The following MCMBP variants were observed in gnomAD, a reference collection of about 807,000 sequenced individuals.
MCMBP encodes the protein mini-chromosome maintenance complex-binding protein.
Under a neutral mutation model 81.3 loss-of-function variants are expected in MCMBP, and 31 were observed. That is an observed-to-expected ratio of 0.38 (90% CI 0.29 to 0.51). The LOEUF is 0.51. MCMBP is among the 20% of genes least tolerant of loss of function. The pLI, the probability that MCMBP is intolerant of heterozygous loss-of-function variation, is 0.87. For synonymous variants in MCMBP, 267 were observed against 275.9 expected (o/e 0.97, Z 0.32); for missense variants, 645 against 772.1 (o/e 0.84, Z 1.95).
intron 7 of MCMBP, 33 bp from the exon 8 acceptor site, chr10:119,847,746 G>T (rs1852667503): frequency 1.6e-6 from 2 of 1,289,280 alleles, no homozygotes; most frequent in African/African-American, 2.9e-5. Context: ...CACACTGTTA[G>T]AACAGACACA....
chr10:119,831,556 C>T lies in MCMBP; in HGVS notation c.1841G>A (p.Arg614Gln). 7 of 1,614,008 alleles carry T rather than the reference C, an allele frequency of 4.3e-6. No homozygotes were observed. The highest frequency in any genetic ancestry group is 3.3e-5 in the South Asian group (3 of 91,078). ...SAGQTTLSRE[R>Q]WLRAKQLESL... ...CTCTAGCTGCTTTGCTCTCAGCCAT[C>T]GTTCTCTTGACAGCGTTGTCTGACC... is the stretch of plus-strand genomic sequence containing the variant. Residue 614 changes from arginine (R) to glutamine (Q), a missense_variant, in exon 16 of 16, where the codon CGA (arginine) becomes CAA (glutamine). Transcript: ENST00000369077.
At chr10:119,867,803 G>A (rs957137600) in intron 1 of MCMBP, among the ~76,000 whole-genome samples, 4 of 152,098 alleles carry the variant, frequency 2.6e-5, no homozygotes, top group African/African-American at 9.7e-5. Flanking sequence ...CTGTTCTTGG[G>A]TTTTATAGCC....
At chr10:119,848,592 AAG>A (rs1362264458) in intron 7 of MCMBP, among the ~76,000 whole-genome samples, 1 of 152,150 alleles carries the variant, frequency 6.6e-6, no homozygotes. Flanking sequence ...CAGCCTGGAC[AAG>A]AGAGTGAGAC....
At chr10:119,847,785 A>AAT in intron 7 of MCMBP, 72 bp from the exon 8 acceptor site, 1 of 771,092 alleles carries the variant, frequency 1.3e-6, no homozygotes, top group Non-Finnish European at 2.1e-6. Flanking sequence ...TTGAAGTACC[A>AAT]ATATCTTGGA....
chr10:119,839,985 C>A (rs1454775684), intron 11 of MCMBP, among the ~76,000 whole-genome samples: 2 of 152,190 alleles, frequency 1.3e-5, no homozygotes, highest in Admixed American at 1.3e-4. Flanking sequence ...AAGAGATTTG[C>A]AAGAATGTAA....
intron 1 of MCMBP, among the ~76,000 whole-genome samples, chr10:119,869,204 G>C (rs1479393337): frequency 6.6e-6 from 1 of 152,252 alleles, no homozygotes; most frequent in African/African-American, 2.4e-5. Flanking sequence ...CCAGCACTTT[G>C]AGAGGCCGAG....
rs1156803987 is a variant in MCMBP, at chr10:119,829,576, C to T, written c.*1898G>A. The stretch of plus-strand genomic sequence containing the variant: ...CGTTAGAGCAACAAACTTGACTGTC[C>T]GTGTATATATAGGTGAGGGACAAAG... On this transcript the variant is annotated 3_prime_UTR_variant, in exon 16 of 16. Coordinates refer to ENST00000369077, the MANE Select transcript of MCMBP (RefSeq NM_001256378.2). 2 of 152,046 alleles carry T rather than the reference C, an allele frequency of 1.3e-5. No homozygotes were observed. The highest frequency in any genetic ancestry group is 2.1e-4 in the South Asian group (1 of 4,832). The allele number at this position is 152,046 out of a possible 1,614,324, so 9.4% of individuals were successfully genotyped here.
chr10:119,868,151 G>T (rs550168270), intron 1 of MCMBP, among the ~76,000 whole-genome samples: 4 of 152,166 alleles, frequency 2.6e-5, no homozygotes, highest in Non-Finnish European at 5.9e-5. Flanking sequence ...GAGGCTGGGC[G>T]CAGCAGCTCA....
chr10:119,855,150 G>A (rs533289241), intron 5 of MCMBP, among the ~76,000 whole-genome samples: 4 of 152,070 alleles, frequency 2.6e-5, no homozygotes, highest in South Asian at 2.1e-4. Flanking sequence ...AAAATAGCAC[G>A]AAGAATGAGA....
At chr10:119,851,007 G>A (rs948782204) in intron 6 of MCMBP, among the ~76,000 whole-genome samples, 1 of 151,300 alleles carries the variant, frequency 6.6e-6, no homozygotes, top group Non-Finnish European at 1.5e-5. Context: ...CAAGTAGCTG[G>A]GATTACAGGC....
chr10:119,834,258 T>C (rs1280843173), intron 14 of MCMBP, among the ~76,000 whole-genome samples: 3 of 151,710 alleles, frequency 2.0e-5, no homozygotes, highest in African/African-American at 7.3e-5. Flanking sequence ...AAACTCCATG[T>C]AGGATAAACT....
At chr10:119,870,811 A>G (rs557582266) in intron 1 of MCMBP, among the ~76,000 whole-genome samples, 46 of 152,238 alleles carry the variant, frequency 3.0e-4, no homozygotes, top group Non-Finnish European at 5.9e-4. Flanking sequence ...TGACTTTTCT[A>G]TAAGACACAA....
intron 13 of MCMBP, among the ~76,000 whole-genome samples, 179 bp downstream of exon 13, chr10:119,836,716 CA>C (rs1852255100): frequency 7.0e-6 from 1 of 143,876 alleles, no homozygotes; most frequent in Non-Finnish European, 1.5e-5. Context: ...TCATCCATGG[CA>C]GTGCAAAATA....
At chr10:119,873,287 C>T (rs1271403536), upstream of MCMBP, 7 of 152,220 alleles carry the variant, frequency 4.6e-5, no homozygotes, top group Non-Finnish European at 1.0e-4. Flanking sequence ...GGGTCCCCGG[C>T]CCGAAACCCT....
At chr10:119,833,699 AAAG>A (rs1852134957) in intron 14 of MCMBP, among the ~76,000 whole-genome samples, 2 of 152,088 alleles carry the variant, frequency 1.3e-5, no homozygotes, top group Admixed American at 1.3e-4. Context: ...TTTCAACAAA[AAAG>A]TACAAAGAAA....
In MCMBP at chr10:119,872,781, C is replaced by G. The variant is rs1327448156; in HGVS notation, c.-197G>C. The G allele has an allele frequency of 2.6e-4, 46 of 175,348 alleles. 1 individual carries two copies. In the South Asian group the frequency reaches 8.7e-3, roughly 33 times the overall value. The allele number at this position is 175,348 out of a possible 1,614,324, so 10.9% of individuals were successfully genotyped here. ...GGAGCGGCGGCTGCGGTGGGGCCGCCGAGGAGCTGCTGGCGACAGTCAGGC... is the reference window on the plus strand; with the variant it reads ...GGAGCGGCGGCTGCGGTGGGGCCGCGGAGGAGCTGCTGGCGACAGTCAGGC... On this transcript the variant is annotated 5_prime_UTR_variant, in exon 1 of 16. Transcript: ENST00000369077.
At chr10:119,865,171 CTGGTTTT>C (rs1853409345) in intron 1 of MCMBP, among the ~76,000 whole-genome samples, 1 of 150,168 alleles carries the variant, frequency 6.7e-6, no homozygotes, top group South Asian at 2.3e-4. Context: ...TTTATTTCTG[CTGGTTTT>C]TGCATCATAC....
intron 5 of MCMBP, among the ~76,000 whole-genome samples, chr10:119,855,778 C>T (rs1853018176): frequency 1.3e-5 from 2 of 151,968 alleles, no homozygotes; most frequent in African/African-American, 4.8e-5. Flanking sequence ...GAAAAATAGA[C>T]TAACATTATT....
rs1313060053 is a variant in MCMBP, at chr10:119,859,077, T to G, written c.249A>C (p.Gly83=). The change falls in exon 3 of 16, where the codon GGA becomes GGC. Residue 83 remains glycine, a synonymous_variant. Transcript: ENST00000369077. Reference sequence around the variant, plus strand: ...TGTTTTGGTTAACCGTTTCATAAACTCCCATGTAAAACTCAGGGTCAAACA... The same window carrying G: ...TGTTTTGGTTAACCGTTTCATAAACGCCCATGTAAAACTCAGGGTCAAACA... ...QDMFDPEFYM[G]VYETVNQNTK... 2.5e-6 allele frequency: 4 copies of G among 1,613,846 alleles called. No homozygotes were observed. Among genetic ancestry groups the G allele is most frequent in the Non-Finnish European group, 3.4e-6 (4 of 1,179,852 alleles).
Sources: gnomAD v4.1 joint callset for allele counts (sites outside exome capture counted in the v4.1 genomes callset) on GRCh38, gnomAD v4.1.1 for gene constraint, MANE v1.5 for transcripts, NCBI Gene and HGNC (gene_info 2026-07-23, HGNC 2026-07-21) for gene names.